Variants in RNF111 observed in about 807,000 individuals in gnomAD.
RNF111 encodes ring finger protein 111.
In RNF111, 17 loss-of-function variants were observed where a neutral mutation model predicts 95.1. The observed-to-expected ratio is 0.18, with a 90% confidence interval of 0.12 to 0.27. The LOEUF is 0.27. Ranked by LOEUF, RNF111 falls within the 10% of genes least tolerant of loss-of-function variation. RNF111 has a pLI of 1.00. For synonymous variants in RNF111, 440 were observed against 414.8 expected (o/e 1.06, Z -0.74); for missense variants, 1,189 against 1,210.4 (o/e 0.98, Z 0.26).
Position 59,084,368 on chromosome 15 carries a change from C to A in RNF111, c.2423+114C>A, listed in dbSNP as rs2078835987. Reference sequence around the variant, plus strand: ...AAGGATGATGTGGAGAAACCTAATCCCCAGTTTAACTGAGACACTGCCTCT... The same window carrying A: ...AAGGATGATGTGGAGAAACCTAATCACCAGTTTAACTGAGACACTGCCTCT... On this transcript the variant is annotated intron_variant, in intron 9 of 13. Transcript: ENST00000348370. 5.7e-6 allele frequency: 6 copies of A among 1,059,938 alleles called. No individual in the cohort carries two copies. The East Asian group carries it at 1.7e-4, about 30-fold the overall frequency. The allele number at this position is 1,059,938 out of a possible 1,614,324, so 65.7% of individuals were successfully genotyped here. A position where few individuals can be genotyped will look rare whatever the true frequency, so the allele number is the denominator to read the frequency against.
chr15:59,046,203 T>C (rs1214595278), intron 2 of RNF111, among the ~76,000 whole-genome samples: 3 of 151,556 alleles, frequency 2.0e-5, no homozygotes, highest in Non-Finnish European at 4.4e-5. Flanking sequence ...TTTTTCCCTT[T>C]AATTTTTTGA....
chr15:59,039,938 A>T (rs1473827746), intron 2 of RNF111, among the ~76,000 whole-genome samples: 1 of 151,650 alleles, frequency 6.6e-6, no homozygotes, highest in Non-Finnish European at 1.5e-5. Flanking sequence ...CATGGTCTCG[A>T]TCTCCTGACC....
chr15:59,001,034 A>G (rs2039302642), intron 1 of RNF111, among the ~76,000 whole-genome samples: 1 of 152,164 alleles, frequency 6.6e-6, no homozygotes, highest in South Asian at 2.1e-4. Context: ...TAATGTTGGT[A>G]TTAACTACTA....
intron 2 of RNF111, among the ~76,000 whole-genome samples, chr15:59,032,027 C>A (rs1158661469): frequency 6.6e-6 from 1 of 152,094 alleles, no homozygotes; most frequent in East Asian, 1.9e-4. Context: ...CAACCTCCGC[C>A]TCCTGGGTTC....
At chr15:59,026,113 A>G (rs767897839) in intron 1 of RNF111, among the ~76,000 whole-genome samples, 13 of 151,982 alleles carry the variant, frequency 8.6e-5, no homozygotes, top group Non-Finnish European at 1.6e-4. Flanking sequence ...TGAAACAAGT[A>G]TTCATATTTA....
intron 5 of RNF111, among the ~76,000 whole-genome samples, chr15:59,066,391 A>G (rs2042656584): frequency 6.6e-6 from 1 of 152,150 alleles, no homozygotes. Context: ...CGGGCAGATC[A>G]CCTGAGGTTG....
At chr15:59,039,183 C>G (rs1055288491) in intron 2 of RNF111, among the ~76,000 whole-genome samples, 5 of 152,072 alleles carry the variant, frequency 3.3e-5, no homozygotes, top group African/African-American at 1.2e-4. Flanking sequence ...ATGCTGGTCT[C>G]GAACTCCTAA....
intron 1 of RNF111, among the ~76,000 whole-genome samples, chr15:58,999,037 C>G (rs1310003915): frequency 6.6e-6 from 1 of 152,102 alleles, no homozygotes; most frequent in Non-Finnish European, 1.5e-5. Flanking sequence ...TTCAAACTGC[C>G]TTTGTAAAGT....
chr15:59,061,772 G>A (rs2042448034), intron 5 of RNF111, among the ~76,000 whole-genome samples: 2 of 152,074 alleles, frequency 1.3e-5, no homozygotes, highest in African/African-American at 2.4e-5. Context: ...CTTAGTACAT[G>A]CACATGTACA....
chr15:59,012,440 T>G (rs1328907884), intron 1 of RNF111, among the ~76,000 whole-genome samples: 2 of 152,194 alleles, frequency 1.3e-5, no homozygotes, highest in African/African-American at 2.4e-5. Flanking sequence ...TCTTTACGCT[T>G]TATGTCACAA....
chr15:59,068,238 C>CA (rs2042752732), intron 6 of RNF111, among the ~76,000 whole-genome samples: 1 of 151,224 alleles, frequency 6.6e-6, no homozygotes, highest in South Asian at 2.1e-4. Context: ...ACAACAACAA[C>CA]AAAAAACAAA....
chr15:59,028,138 C>A (rs1388103834), intron 1 of RNF111, among the ~76,000 whole-genome samples: 1 of 152,174 alleles, frequency 6.6e-6, no homozygotes, highest in Admixed American at 6.5e-5. Flanking sequence ...TGCTTTTCGG[C>A]CATCATAGTT....
chr15:59,035,511 C>T (rs1202333270), intron 2 of RNF111, among the ~76,000 whole-genome samples: 1 of 152,166 alleles, frequency 6.6e-6, no homozygotes, highest in African/African-American at 2.4e-5. Context: ...TTTCATTCCA[C>T]ATAACTTATG....
At chr15:59,060,798 A>ATTT in intron 5 of RNF111, among the ~76,000 whole-genome samples, 1 of 147,382 alleles carries the variant, frequency 6.8e-6, no homozygotes, top group African/African-American at 2.6e-5. Flanking sequence ...TATTATTATT[A>ATTT]TTATTATTAT....
At chr15:59,073,773 T>G (rs1462280489) in intron 6 of RNF111, among the ~76,000 whole-genome samples, 1 of 152,220 alleles carries the variant, frequency 6.6e-6, no homozygotes, top group African/African-American at 2.4e-5. Flanking sequence ...GGTGACTCCT[T>G]TCTGGAAGGT....
intron 5 of RNF111, among the ~76,000 whole-genome samples, chr15:59,059,070 G>A (rs1223739488): frequency 6.6e-6 from 1 of 152,082 alleles, no homozygotes; most frequent in African/African-American, 2.4e-5. Flanking sequence ...TTGAGACCAG[G>A]AGTTCAAGAC....
At position 59,086,417 on chromosome 15, in the gene RNF111, C is replaced by A. The variant is rs190855370; in HGVS notation, c.2550+632C>A. ...TACAGGCTTGAGCCAGGGCACCCAG[C>A]CTGATTTTCTAATCTGCAGAAAGAT... is the stretch of plus-strand genomic sequence containing the variant. On this transcript the variant is annotated intron_variant, in intron 10 of 13. Coordinates refer to ENST00000348370, the MANE Select transcript of RNF111 (RefSeq NM_017610.8). Among the ~76,000 whole-genome samples, 39 of 152,326 alleles carry A rather than the reference C, an allele frequency of 2.6e-4. No individual in the cohort carries two copies. The East Asian group carries it at 7.5e-3, about 29-fold the overall frequency.
chr15:58,994,033 ATTT>A (rs371453519), intron 1 of RNF111, among the ~76,000 whole-genome samples: 1,151 of 103,086 alleles, frequency 0.011, 13 homozygotes, highest in African/African-American at 0.043. Flanking sequence ...TGTTACTTAA[ATTT>A]TTTTTTTTTT....
chr15:59,056,196 G>A (rs1328898569), intron 4 of RNF111, among the ~76,000 whole-genome samples: 12 of 152,170 alleles, frequency 7.9e-5, no homozygotes, highest in African/African-American at 2.4e-4. Flanking sequence ...CACAAAAGCA[G>A]TATAACTGAA....
Sources: allele counts gnomAD v4.1 joint callset (sites outside exome capture counted in the v4.1 genomes callset), GRCh38; gene constraint gnomAD v4.1.1; transcripts MANE v1.5; gene names NCBI Gene and HGNC (gene_info 2026-07-23, HGNC 2026-07-21).